GALNTL6: variants seen among roughly 807,000 people sequenced by gnomAD.
GALNTL6 encodes the protein polypeptide N-acetylgalactosaminyltransferase-like 6.
In GALNTL6, 46 loss-of-function variants were observed where a neutral mutation model predicts 73.7. That is an observed-to-expected ratio of 0.62 (90% CI 0.49 to 0.80). The LOEUF is 0.80. Ranked by LOEUF, GALNTL6 falls within the 30% of genes least tolerant of loss-of-function variation. The pLI is 0.00. For synonymous variants in GALNTL6, 259 were observed against 263.7 expected (o/e 0.98, Z 0.17); for missense variants, 604 against 755.0 (o/e 0.80, Z 2.34).
intron 5 of GALNTL6, among the ~76,000 whole-genome samples, chr4:172,776,841 G>T (rs1424160197): frequency 6.6e-6 from 1 of 152,128 alleles, no homozygotes. Flanking sequence ...ACAGATTTAG[G>T]TTTACTTCCT....
At chr4:172,040,250 T>C (rs1354883104) in intron 2 of GALNTL6, among the ~76,000 whole-genome samples, 1 of 152,078 alleles carries the variant, frequency 6.6e-6, no homozygotes, top group Non-Finnish European at 1.5e-5. Flanking sequence ...ATTTAAATAC[T>C]TACAAAATAA....
chr4:172,062,749 A>G (rs1287552154), intron 2 of GALNTL6, among the ~76,000 whole-genome samples: 4 of 152,168 alleles, frequency 2.6e-5, no homozygotes, highest in Non-Finnish European at 5.9e-5. Context: ...GCTCCATGAA[A>G]TCAGTGATGT....
intron 6 of GALNTL6, among the ~76,000 whole-genome samples, chr4:172,812,221 A>G (rs1046687974): frequency 2.0e-5 from 3 of 152,216 alleles, no homozygotes; most frequent in Admixed American, 6.5e-5. Flanking sequence ...TTTTTATCCC[A>G]TGCTTAAGAG....
chr4:172,691,932 G>T (rs1733327928), intron 5 of GALNTL6, among the ~76,000 whole-genome samples: 1 of 152,128 alleles, frequency 6.6e-6, no homozygotes, highest in African/African-American at 2.4e-5. Context: ...CCTGAAATAT[G>T]TGTAAATCAT....
chr4:172,757,332 A>AT (rs1204590424), intron 5 of GALNTL6, among the ~76,000 whole-genome samples: 1 of 152,136 alleles, frequency 6.6e-6, no homozygotes, highest in African/African-American at 2.4e-5. Flanking sequence ...TTAACAATCT[A>AT]TTTTTTAGTT....
chr4:173,016,159 C>T (rs896572888), intron 11 of GALNTL6, among the ~76,000 whole-genome samples: 8 of 152,288 alleles, frequency 5.3e-5, no homozygotes, highest in Non-Finnish European at 7.3e-5. Flanking sequence ...CCTGGCTGTC[C>T]GGGCAGAGGT....
rs1219241056 is a variant in GALNTL6 at position 172,896,816 on chromosome 4, C to T, written c.1041+13909C>T. On this transcript the variant is annotated intron_variant, in intron 8 of 12. Coordinates refer to ENST00000506823, the MANE Select transcript of GALNTL6 (RefSeq NM_001034845.3). ...GAGGGTGCAGGTAACACAGCAAGTT[C>T]CTGCACAGATAGGACAGTTTCCTGA... Among the ~76,000 whole-genome samples the T allele has an allele frequency of 5.9e-5, 9 of 152,152 alleles. No individual in the cohort carries two copies. The South Asian group carries it at 1.7e-3, about 28-fold the overall frequency.
chr4:172,647,594 A>G (rs1404069821), intron 5 of GALNTL6, among the ~76,000 whole-genome samples: 8 of 152,062 alleles, frequency 5.3e-5, no homozygotes, highest in South Asian at 2.1e-4. Context: ...TAATTTTTCA[A>G]GAACCACTGT....
chr4:172,453,952 T>C (rs1345755909), intron 5 of GALNTL6, among the ~76,000 whole-genome samples: 2 of 152,148 alleles, frequency 1.3e-5, no homozygotes, highest in Admixed American at 6.5e-5. Context: ...TACAGAAATA[T>C]AGTAAACAAT....
intron 5 of GALNTL6, among the ~76,000 whole-genome samples, chr4:172,455,972 C>A (rs1201929443): frequency 6.6e-6 from 1 of 152,126 alleles, no homozygotes; most frequent in Non-Finnish European, 1.5e-5. Flanking sequence ...CTGACGGTTA[C>A]CCCTCTGGGA....
intron 2 of GALNTL6, among the ~76,000 whole-genome samples, chr4:172,227,267 C>A (rs1736898904): frequency 1.3e-5 from 2 of 152,192 alleles, no homozygotes; most frequent in South Asian, 4.1e-4. Flanking sequence ...AAGCTGTGGA[C>A]TGGCAGCTTT....
At chr4:172,724,593 G>A (rs1735681852) in intron 5 of GALNTL6, among the ~76,000 whole-genome samples, 2 of 152,214 alleles carry the variant, frequency 1.3e-5, no homozygotes, top group Non-Finnish European at 2.9e-5. Context: ...GTCTGAGATT[G>A]CTTAAATTAA....
At chr4:171,945,562 A>G (rs532212928) in intron 2 of GALNTL6, among the ~76,000 whole-genome samples, 2 of 152,264 alleles carry the variant, frequency 1.3e-5, no homozygotes, top group East Asian at 3.9e-4. Flanking sequence ...ACTATGTAGT[A>G]CTGATGTTAG....
At chr4:172,842,961 G>C (rs1017050410) in intron 7 of GALNTL6, among the ~76,000 whole-genome samples, 13 of 152,126 alleles carry the variant, frequency 8.5e-5, no homozygotes, top group East Asian at 1.9e-4. Flanking sequence ...CTTCCGCAAG[G>C]CTTGCTCCTT....
chr4:172,392,677 T>C (rs982221257), intron 5 of GALNTL6, among the ~76,000 whole-genome samples: 3 of 152,314 alleles, frequency 2.0e-5, no homozygotes, highest in South Asian at 2.1e-4. Flanking sequence ...CTGTGTTTCT[T>C]GCTCTTGCAG....
intron 5 of GALNTL6, among the ~76,000 whole-genome samples, chr4:172,487,332 T>C (rs1179695500): frequency 3.6e-5 from 5 of 138,296 alleles, no homozygotes; most frequent in Non-Finnish European, 6.4e-5. Flanking sequence ...CTTTCTTTCT[T>C]TCTTTCTTTC....
chr4:172,730,029 G>T (rs1285358691), intron 5 of GALNTL6, among the ~76,000 whole-genome samples: 2 of 151,976 alleles, frequency 1.3e-5, no homozygotes, highest in African/African-American at 2.4e-5. Context: ...TTCTTTTTCA[G>T]ATTGTTTGCT....
chr4:172,909,963 C>A (rs970466299), intron 8 of GALNTL6, among the ~76,000 whole-genome samples: 11 of 151,760 alleles, frequency 7.2e-5, no homozygotes, highest in African/African-American at 2.4e-4. Context: ...AATAATGTAA[C>A]TTTATTTTTA....
intron 4 of GALNTL6, among the ~76,000 whole-genome samples, chr4:172,318,712 C>A (rs1160856387): frequency 2.7e-5 from 4 of 146,372 alleles, no homozygotes; most frequent in South Asian, 2.2e-4. Context: ...CCCCCACCCC[C>A]CAAAAAAACC....
Sources: allele counts gnomAD v4.1 joint callset (sites outside exome capture counted in the v4.1 genomes callset), GRCh38; gene constraint gnomAD v4.1.1; transcripts MANE v1.5; gene names NCBI Gene and HGNC (gene_info 2026-07-23, HGNC 2026-07-21).